COBLL1: variants seen among roughly 807,000 people sequenced by gnomAD.
COBLL1 encodes cordon-bleu WH2 repeat protein like 1.
A neutral mutation model predicts 94.8 loss-of-function variants in COBLL1; 50 were observed. The ratio of observed to expected loss-of-function variants is 0.53; its 90% CI spans 0.42 to 0.67. The LOEUF (loss-of-function observed/expected upper bound fraction) is 0.67, where lower values mean the gene tolerates loss of function less well. Ranked by LOEUF, COBLL1 falls within the 30% of genes least tolerant of loss-of-function variation. COBLL1 has a pLI of 0.00. For synonymous variants in COBLL1, 448 were observed against 473.8 expected (o/e 0.95, Z 0.71); for missense variants, 1,362 against 1,348.7 (o/e 1.01, Z -0.15).
chr2:164,747,161 C>A (rs1686902707), intron 2 of COBLL1, among the ~76,000 whole-genome samples: 2 of 152,038 alleles, frequency 1.3e-5, no homozygotes, highest in Non-Finnish European at 2.9e-5. Flanking sequence ...ATAAAATGAG[C>A]TTTCATTTCA....
In COBLL1 at chr2:164,824,345, C is replaced by T. The variant is rs76921730; in HGVS notation, c.41+16811G>A. Among the ~76,000 whole-genome samples, 411 of 150,838 alleles carry T rather than the reference C, an allele frequency of 2.7e-3. 3 individuals carry two copies. The highest frequency in any genetic ancestry group is 9.6e-3 in the African/African-American group (392 of 41,028). ...GCAGTAAGCGGAGATCTCACCATTGCACTCCAGCCTGGGCAACAGAGTGAG... is the reference window on the plus strand; with the variant it reads ...GCAGTAAGCGGAGATCTCACCATTGTACTCCAGCCTGGGCAACAGAGTGAG... On this transcript the variant is annotated intron_variant, in intron 2 of 13. Coordinates refer to ENST00000652658, the MANE Select transcript of COBLL1 (RefSeq NM_001365672.2).
chr2:164,708,114 G>T (rs1193412183), intron 7 of COBLL1, among the ~76,000 whole-genome samples: 1 of 151,996 alleles, frequency 6.6e-6, no homozygotes, highest in Non-Finnish European at 1.5e-5. Context: ...ATAACAGGGG[G>T]GTGCGACAAG....
At chr2:164,823,593 C>A (rs543069341) in intron 2 of COBLL1, among the ~76,000 whole-genome samples, 1 of 152,242 alleles carries the variant, frequency 6.6e-6, no homozygotes, top group East Asian at 1.9e-4. Flanking sequence ...AATTGCATAC[C>A]CCTGAACTAA....
intron 2 of COBLL1, among the ~76,000 whole-genome samples, chr2:164,779,105 T>TTGC (rs996579269): frequency 1.3e-5 from 2 of 151,884 alleles, no homozygotes; most frequent in Non-Finnish European, 2.9e-5. Flanking sequence ...TTGCTTGTTG[T>TTGC]TGTTGTTGTT....
At chr2:164,809,052 T>A (rs1283039471) in intron 2 of COBLL1, among the ~76,000 whole-genome samples, 1 of 152,118 alleles carries the variant, frequency 6.6e-6, no homozygotes, top group Non-Finnish European at 1.5e-5. Context: ...AAAATGTCAA[T>A]ATATGAAGTA....
chr2:164,725,244 T>C (rs1685668376), intron 5 of COBLL1, among the ~76,000 whole-genome samples: 1 of 151,332 alleles, frequency 6.6e-6, no homozygotes, highest in Non-Finnish European at 1.5e-5. Flanking sequence ...GAACTAAAAC[T>C]GGTATCCATT....
chr2:164,837,007 A>G (rs1683345688), intron 2 of COBLL1, among the ~76,000 whole-genome samples: 1 of 152,238 alleles, frequency 6.6e-6, no homozygotes, highest in Admixed American at 6.5e-5. Flanking sequence ...AGTTCATACA[A>G]TCAGTGAAAC....
chr2:164,715,549 T>C (rs772502561), intron 7 of COBLL1, among the ~76,000 whole-genome samples: 3 of 151,976 alleles, frequency 2.0e-5, no homozygotes, highest in Non-Finnish European at 2.9e-5. Flanking sequence ...TTAAGTAAAA[T>C]AGCAAAATAT....
At chr2:164,807,826 T>C (rs1684253369) in intron 2 of COBLL1, among the ~76,000 whole-genome samples, 1 of 152,176 alleles carries the variant, frequency 6.6e-6, no homozygotes, top group Non-Finnish European at 1.5e-5. Context: ...TCTTATTTTA[T>C]TTTATTTCAT....
Position 164,841,333 on chromosome 2 carries a change from C to G in COBLL1, c.-50-87G>C. Reference sequence around the variant, plus strand: ...GCTGGCTGAGCGTCAAGAGCCCGCCCGAGCCGCTCCAGCCCCGGCCGGCCC... The same window carrying G: ...GCTGGCTGAGCGTCAAGAGCCCGCCGGAGCCGCTCCAGCCCCGGCCGGCCC... On this transcript the variant is annotated intron_variant, in intron 1 of 13. Transcript: ENST00000652658. The surrounding 1 kb of genome is among the most constrained non-coding windows in gnomAD (Gnocchi z 5.5). 8.3e-7 allele frequency: 1 copy of G among 1,204,278 alleles called. No individual in the cohort carries two copies. Among genetic ancestry groups the G allele is most frequent in the Non-Finnish European group, 1.0e-6 (1 of 970,318 alleles). 74.6% of individuals were successfully genotyped at this position (1,204,278 alleles called of 1,614,324 possible).
At chr2:164,781,306 T>A (rs534112713) in intron 2 of COBLL1, among the ~76,000 whole-genome samples, 40 of 152,346 alleles carry the variant, frequency 2.6e-4, no homozygotes, top group African/African-American at 7.2e-4. Context: ...ATGCCTGTGA[T>A]AACAGTATGT....
rs529627417 is a variant in COBLL1, at chr2:164,694,461, T to C, written c.2931A>G (p.Pro977=). 3 of 1,613,932 alleles carry C rather than the reference T, an allele frequency of 1.9e-6. No homozygotes were observed. In the South Asian group the frequency reaches 3.3e-5, roughly 18 times the overall value. ...AAGGACCAGAACTTGAGTATGGTCG[T>C]GGGGCACCAAAAGTTTTCAAAGTCT... ...NLKTLKTFGA[P]RPYSSSGPSP... The change falls in exon 12 of 14, where the codon CCA becomes CCG. Residue 977 remains proline (P), a synonymous_variant. Transcript: ENST00000652658.
intron 2 of COBLL1, among the ~76,000 whole-genome samples, chr2:164,804,549 T>C (rs553537321): frequency 1.3e-5 from 2 of 152,284 alleles, no homozygotes; most frequent in East Asian, 3.9e-4. Context: ...TTTTGGGGGC[T>C]CAATTCTTAT....
chr2:164,686,459 G>A (rs1268787622), intron 13 of COBLL1, among the ~76,000 whole-genome samples: 1 of 152,048 alleles, frequency 6.6e-6, no homozygotes, highest in Non-Finnish European at 1.5e-5. Flanking sequence ...ATAAATTAAC[G>A]TGAAATCCCC....
In COBLL1 at chr2:164,695,360, A is replaced by C. The variant is rs1206093163; in HGVS notation, c.2032T>G (p.Cys678Gly). ...EDPLTVKDPI[C>G]AHGNDDLLPP... ...AAAAGATCATCATTACCATGTGCAC[A>C]AATTGGATCTTTTACGGTAAGCGGA... Residue 678 changes from cysteine to glycine, a missense_variant, in exon 12 of 14, where the codon TGT (cysteine) becomes GGT (glycine). Cys to Gly is a radical substitution (Grantham distance 159). Coordinates refer to ENST00000652658, the MANE Select transcript of COBLL1 (RefSeq NM_001365672.2). 6.2e-7 allele frequency: 1 copy of C among 1,613,860 alleles called. No individual in the cohort carries two copies. Among genetic ancestry groups the C allele is most frequent in the Admixed American group, 1.7e-5 (1 of 59,990 alleles).
In COBLL1 at chr2:164,695,016, T is replaced by A. The variant is rs140603882; in HGVS notation, c.2376A>T (p.Pro792=). 7.6e-5 allele frequency: 122 copies of A among 1,613,966 alleles called. No individual in the cohort carries two copies. The African/African-American group carries it at 1.6e-3, about 21-fold the overall frequency. The change falls in exon 12 of 14, where the codon CCA becomes CCT. Residue 792 remains proline, a synonymous_variant. Coordinates refer to ENST00000652658, the MANE Select transcript of COBLL1 (RefSeq NM_001365672.2). ...DSAISESPEE[P]LPNLKPKPNL... ...TAGGCTTCGGTTTAAGGTTTGGCAG[T>A]GGCTCTTCTGGGCTTTCAGAAATAG... is the stretch of plus-strand genomic sequence containing the variant.
At chr2:164,800,424 T>A in intron 2 of COBLL1, 1 of 623,242 alleles carries the variant, frequency 1.6e-6, no homozygotes. Flanking sequence ...CGATACTATG[T>A]TGGTGAGGAT....
At chr2:164,768,518 C>A (rs1688048161) in intron 2 of COBLL1, among the ~76,000 whole-genome samples, 1 of 151,950 alleles carries the variant, frequency 6.6e-6, no homozygotes, top group South Asian at 2.1e-4. Flanking sequence ...AAAGATTGGA[C>A]ACCTTTGAAT....
chr2:164,802,643 G>A (rs905826930), intron 2 of COBLL1, among the ~76,000 whole-genome samples: 1 of 152,166 alleles, frequency 6.6e-6, no homozygotes, highest in Non-Finnish European at 1.5e-5. Context: ...CATATGTTCA[G>A]GTTTTAGATA....
Sources: gnomAD v4.1 joint callset for allele counts (sites outside exome capture counted in the v4.1 genomes callset) on GRCh38, gnomAD v4.1.1 for gene constraint, Gnocchi (gnomAD v3.1) non-coding constraint, MANE v1.5 for transcripts, NCBI Gene and HGNC (gene_info 2026-07-23, HGNC 2026-07-21) for gene names.